The following BRSK2 variants were observed in gnomAD, a reference collection of about 807,000 sequenced individuals.
The protein encoded by BRSK2 is BR serine/threonine kinase 2.
A neutral mutation model predicts 83.3 loss-of-function variants in BRSK2; 19 were observed. The observed-to-expected ratio is 0.23, with a 90% CI of 0.16 to 0.33. The LOEUF (loss-of-function observed/expected upper bound fraction) is 0.33. Among genes scored for constraint, BRSK2 ranks in the 10% least tolerant of loss-of-function variants. BRSK2 has a pLI of 1.00. For synonymous variants in BRSK2, 519 were observed against 435.4 expected, an observed-to-expected ratio of 1.19 and a Z score of -2.39; for missense variants, 798 against 1,042.3, an observed-to-expected ratio of 0.77 and a Z score of 3.23.
At chr11:1,395,142 C>G (rs989835667) in intron 1 of BRSK2, among the ~76,000 whole-genome samples, 3 of 152,212 alleles carry the variant, frequency 2.0e-5, no homozygotes, top group Non-Finnish European at 4.4e-5. Flanking sequence ...GCCTTCCCCA[C>G]ATCAGGCCCT....
At chr11:1,460,373 C>G in intron 19 of BRSK2, 127 bp from the exon 20 acceptor site, 1 of 1,085,914 alleles carries the variant, frequency 9.2e-7, no homozygotes, top group Non-Finnish European at 1.3e-6. Context: ...TTTCCCTCGT[C>G]GAGGCCTCTT....
chr11:1,459,523 G>A (rs916871647), intron 19 of BRSK2: 6 of 479,896 alleles, frequency 1.3e-5, no homozygotes, highest in African/African-American at 2.0e-5. Context: ...AGCCAGTGAG[G>A]GTCCCGCTGG....
At chr11:1,426,985 G>A (rs1019267789) in intron 1 of BRSK2, among the ~76,000 whole-genome samples, 46 of 152,160 alleles carry the variant, frequency 3.0e-4, no homozygotes, top group Admixed American at 7.9e-4. Context: ...AGTCTGGTGC[G>A]TGCCGGGGCG....
chr11:1,447,778 C>T (rs1439628235), intron 12 of BRSK2: 3 of 1,593,844 alleles, frequency 1.9e-6, no homozygotes, highest in South Asian at 1.1e-5. Context: ...ACTGTGTTTT[C>T]TCGCTCTGTT....
chr11:1,395,153 GGC>G (rs1845992232), intron 1 of BRSK2, among the ~76,000 whole-genome samples: 1 of 152,184 alleles, frequency 6.6e-6, no homozygotes, highest in African/African-American at 2.4e-5. Context: ...ATCAGGCCCT[GGC>G]CATCTGACCC....
At chr11:1,391,888 T>C (rs1590276983) in intron 1 of BRSK2, among the ~76,000 whole-genome samples, 1 of 152,128 alleles carries the variant, frequency 6.6e-6, no homozygotes, top group Non-Finnish European at 1.5e-5. Flanking sequence ...TAGGGGCTGG[T>C]CTCCACTCTT....
chr11:1,448,902 C>G lies in BRSK2; in HGVS notation c.1227-874C>G, dbSNP rs557412945. 2.6e-5 allele frequency among the ~76,000 whole-genome samples: 4 copies of G among 152,344 alleles called. No individual in the cohort carries two copies. The South Asian group carries it at 8.3e-4, about 32-fold the overall frequency. On this transcript the variant is annotated intron_variant, in intron 12 of 19. Transcript: ENST00000528841. Reference sequence around the variant, plus strand: ...GGGCCTGGGCCGTGGTGTGGACTAGCGAGGCCCCTCGTGGCCGGCTGGCGG... The same window carrying G: ...GGGCCTGGGCCGTGGTGTGGACTAGGGAGGCCCCTCGTGGCCGGCTGGCGG...
At chr11:1,452,714 G>A (rs896917252) in intron 15 of BRSK2, among the ~76,000 whole-genome samples, 7 of 151,248 alleles carry the variant, frequency 4.6e-5, no homozygotes, top group Admixed American at 1.3e-4. Flanking sequence ...AGCCGTTCCC[G>A]AGGGTCCAGC....
chr11:1,444,091 G>A (rs1364429845), intron 8 of BRSK2, among the ~76,000 whole-genome samples: 1 of 152,106 alleles, frequency 6.6e-6, no homozygotes, highest in Non-Finnish European at 1.5e-5. Context: ...GTGTGCACAG[G>A]TGTGGGGGGC....
intron 16 of BRSK2, among the ~76,000 whole-genome samples, chr11:1,455,487 G>A (rs1044768773): frequency 5.9e-5 from 9 of 151,938 alleles, no homozygotes; most frequent in Non-Finnish European, 1.3e-4. Flanking sequence ...CTCTGCCCCC[G>A]GGCACTCAGG....
chr11:1,417,342 G>A (rs1375460534), intron 1 of BRSK2, among the ~76,000 whole-genome samples: 4 of 152,168 alleles, frequency 2.6e-5, no homozygotes, highest in Non-Finnish European at 4.4e-5. Context: ...GGTCATTGAG[G>A]TCACTGTTCT....
intron 1 of BRSK2, among the ~76,000 whole-genome samples, chr11:1,416,889 G>T (rs555171407): frequency 6.6e-6 from 1 of 152,114 alleles, no homozygotes; most frequent in Non-Finnish European, 1.5e-5. Context: ...AGCCAGGCGC[G>T]GTGGCTCATG....
chr11:1,443,458 C>G (rs752164578), intron 7 of BRSK2, 31 bp from the exon 8 acceptor site: 24 of 1,574,838 alleles, frequency 1.5e-5, no homozygotes, highest in Middle Eastern at 1.7e-4. Flanking sequence ...CCTGCCCCCC[C>G]ACGCTGACCC....
rs1229925035 is a variant in BRSK2, at chr11:1,390,195, G to T, written c.-90G>T. ...GGGGCGCCCCGGCCGGGTCGGCGCG[G>T]ACGGCACTCGGCGGACGCGGGCGGA... is the stretch of plus-strand genomic sequence containing the variant. On this transcript the variant is annotated 5_prime_UTR_variant, in exon 1 of 20. Transcript: ENST00000528841. This position sits in a 1 kb window ranked among gnomAD's most constrained non-coding sequence, Gnocchi z 6.8. 20 of 667,612 alleles carry T rather than the reference G, an allele frequency of 3.0e-5. No individual in the cohort carries two copies. Among genetic ancestry groups the T allele is most frequent in the Non-Finnish European group, 3.3e-5 (18 of 543,318 alleles). 41.4% of individuals were successfully genotyped at this position (667,612 alleles called of 1,614,324 possible).
chr11:1,410,773 G>T, intron 1 of BRSK2: 1 of 985,432 alleles, frequency 1.0e-6, no homozygotes, highest in South Asian at 4.7e-5. Flanking sequence ...CACCCCTTCT[G>T]GTTGAGAAGG....
chr11:1,433,346 T>TG lies in BRSK2; in HGVS notation c.92-2690dup, dbSNP rs1259748642. 2.6e-5 allele frequency among the ~76,000 whole-genome samples: 4 copies of TG among 152,232 alleles called. No individual in the cohort carries two copies. The East Asian group carries it at 7.7e-4, about 29-fold the overall frequency. ...TCACCCCTGCACCCTCATGATGCCC[T>TG]GGGGCAGGGTGTGGGCCCTTCATCC... On this transcript the variant is annotated intron_variant, in intron 1 of 19. Transcript: ENST00000528841.
At chr11:1,448,972 C>G (rs139070478) in intron 12 of BRSK2, among the ~76,000 whole-genome samples, 2 of 152,162 alleles carry the variant, frequency 1.3e-5, no homozygotes, top group Non-Finnish European at 2.9e-5. Flanking sequence ...TTACTCTTCT[C>G]TGTCCTCTTC....
chr11:1,397,795 G>T (rs960144953), intron 1 of BRSK2, among the ~76,000 whole-genome samples: 9 of 152,208 alleles, frequency 5.9e-5, no homozygotes, highest in Non-Finnish European at 1.3e-4. Context: ...GCAGCCTCAT[G>T]GCACTGGCTG....
At chr11:1,429,551 G>T (rs146327483) in intron 1 of BRSK2, among the ~76,000 whole-genome samples, 1 of 106,546 alleles carries the variant, frequency 9.4e-6, no homozygotes. Flanking sequence ...CGTCTTCTGC[G>T]GTCTGGTCAG....
Sources: gnomAD v4.1 joint callset for allele counts (sites outside exome capture counted in the v4.1 genomes callset) on GRCh38, gnomAD v4.1.1 for gene constraint, Gnocchi (gnomAD v3.1) non-coding constraint, MANE v1.5 for transcripts, NCBI Gene and HGNC (gene_info 2026-07-23, HGNC 2026-07-21) for gene names.